Variants in PMPCB observed in about 807,000 individuals in gnomAD.
PMPCB encodes the protein mitochondrial-processing peptidase subunit beta.
In PMPCB, 46 loss-of-function variants were observed where a neutral mutation model predicts 61.5. The observed-to-expected ratio is 0.75, with a 90% CI of 0.59 to 0.96. The LOEUF (loss-of-function observed/expected upper bound fraction) is 0.96. Ranked by LOEUF, PMPCB falls within the 40% of genes least tolerant of loss-of-function variation. PMPCB has a pLI of 0.00. For synonymous variants in PMPCB, 191 were observed against 201.6 expected (o/e 0.95, Z 0.44); for missense variants, 590 against 602.4 (o/e 0.98, Z 0.22).
At chr7:103,338,132 T>G in the PMPCB span, among the ~76,000 whole-genome samples, 1 of 152,040 alleles carries the variant, frequency 6.6e-6, no homozygotes, top group African/African-American at 2.4e-5. Context: ...TAGCTGGGTG[T>G]GGTGGTGTGC....
At chr7:103,346,860 G>A in the PMPCB span, among the ~76,000 whole-genome samples, 2 of 152,002 alleles carry the variant, frequency 1.3e-5, no homozygotes, top group African/African-American at 2.4e-5. Flanking sequence ...GTGTGAGCGC[G>A]CATGCGTGTA....
At chr7:103,329,196 A>G in exon 13 of PMPCB, 1 of 298,334 alleles carries the variant, frequency 3.4e-6, no homozygotes, top group South Asian at 2.9e-5. Flanking sequence ...TAACATCTAC[A>G]TAGCAGTTGA....
At chr7:103,311,973 T>C in intron 11 of PMPCB, 77 bp downstream of exon 11, 1 of 1,528,670 alleles carries the variant, frequency 6.5e-7, no homozygotes, top group Non-Finnish European at 9.0e-7. Context: ...GTATCTTTCA[T>C]CTTGCTTTAG....
chr7:103,307,221 A>G (rs1209121916), intron 6 of PMPCB, among the ~76,000 whole-genome samples: 1 of 152,194 alleles, frequency 6.6e-6, no homozygotes, highest in Non-Finnish European at 1.5e-5. Flanking sequence ...GATAGAGCCC[A>G]TATTTGTATT....
At chr7:103,302,147 T>G (rs1225261851) in intron 4 of PMPCB, among the ~76,000 whole-genome samples, 1 of 152,232 alleles carries the variant, frequency 6.6e-6, no homozygotes, top group Non-Finnish European at 1.5e-5. Flanking sequence ...TTTTTATGGA[T>G]GCATAGTATT....
At chr7:103,321,027 G>A (rs1036276038) in intron 12 of PMPCB, among the ~76,000 whole-genome samples, 5 of 151,556 alleles carry the variant, frequency 3.3e-5, no homozygotes, top group Admixed American at 2.0e-4. Context: ...GTGAAACCCC[G>A]TCTCTACTAA....
chr7:103,310,449 C>T lies in PMPCB; in HGVS notation c.1128C>T (p.Asp376=), dbSNP rs1394524226. Residue 376 remains aspartate (D), a synonymous_variant, in exon 9 of 13, where the codon GAC becomes GAT. Transcript: ENST00000249269. ...YMVCESSTVA[D]MLHVVQKEWM... is the part of the protein sequence containing the mutation. ...TTTGTGAATCATCCACTGTTGCAGACATGCTACATGTTGTTCAAAAAGAAT... is the reference window on the plus strand; with the variant it reads ...TTTGTGAATCATCCACTGTTGCAGATATGCTACATGTTGTTCAAAAAGAAT... The T allele has an allele frequency of 1.2e-6, 2 of 1,610,060 alleles. No homozygotes were observed. Among genetic ancestry groups the T allele is most frequent in the Non-Finnish European group, 1.7e-6 (2 of 1,178,582 alleles).
In PMPCB at chr7:103,313,259, G is replaced by A. The variant is rs557088518; in HGVS notation, c.*988G>A. 1.8e-5 allele frequency: 24 copies of A among 1,347,688 alleles called. No individual in the cohort carries two copies. In the African/African-American group the frequency reaches 3.0e-4, roughly 17 times the overall value. 83.5% of individuals were successfully genotyped at this position (1,347,688 alleles called of 1,614,324 possible). ...GAGAGATACATATAGCCCTCTGAGTGTTAATAAGAGAAAAAATTTCAGATA... is the reference window on the plus strand; with the variant it reads ...GAGAGATACATATAGCCCTCTGAGTATTAATAAGAGAAAAAATTTCAGATA... On this transcript the variant is annotated 3_prime_UTR_variant, in exon 13 of 13. Coordinates refer to ENST00000249269, the MANE Select transcript of PMPCB (RefSeq NM_004279.3).
At chr7:103,320,441 G>GT (rs1554566542) in intron 12 of PMPCB, among the ~76,000 whole-genome samples, 1 of 151,876 alleles carries the variant, frequency 6.6e-6, no homozygotes, top group African/African-American at 2.4e-5. Context: ...AACCCTGATA[G>GT]TTTTTTTCTA....
intron 9 of PMPCB, 199 bp downstream of exon 9, chr7:103,310,674 ATTTTTT>A (rs377252653): frequency 5.7e-5 from 9 of 158,576 alleles, no homozygotes; most frequent in Non-Finnish European, 8.7e-5. Flanking sequence ...ATACTATAGA[ATTTTTT>A]TTTTTTTTTT....
chr7:103,329,224 T>G (rs1201456388), exon 13 of PMPCB: 1 of 240,476 alleles, frequency 4.2e-6, no homozygotes, highest in African/African-American at 2.3e-5. Context: ...CAGGCCTGTT[T>G]ACCAGTTAAT....
chr7:103,316,247 T>G (rs1818047940), downstream of PMPCB: 3 of 451,518 alleles, frequency 6.6e-6, no homozygotes, highest in East Asian at 1.0e-4. Context: ...TCCTGTTGCC[T>G]GGACTACGGT....
intron 12 of PMPCB, chr7:103,319,733 C>T (rs2115836767): frequency 6.2e-7 from 1 of 1,614,088 alleles, no homozygotes; most frequent in Non-Finnish European, 8.5e-7. Flanking sequence ...GTGAAGACTT[C>T]AATAGCAGTT....
rs146249734 is a variant in PMPCB at position 103,298,322 on chromosome 7, A to G, written c.100-246A>G. ...AATAAAGTCAATTTCTCTCTGGGTA[A>G]TGATAATAATTGCTCATCTTCCCTG... is the stretch of plus-strand genomic sequence containing the variant. On this transcript the variant is annotated intron_variant, in intron 1 of 12. Transcript: ENST00000249269. Among the ~76,000 whole-genome samples, 786 of 152,090 alleles carry G rather than the reference A, an allele frequency of 5.2e-3. 4 individuals are homozygous for G. The highest frequency in any genetic ancestry group is 0.018 in the African/African-American group (742 of 41,480).
chr7:103,307,816 T>C (rs181013515), intron 7 of PMPCB, 108 bp downstream of exon 7: 98 of 670,684 alleles, frequency 1.5e-4, no homozygotes, highest in Non-Finnish European at 2.1e-4. Context: ...AATGGAATAA[T>C]AGGAAAAGGG....
downstream of PMPCB, among the ~76,000 whole-genome samples, chr7:103,333,825 T>C (rs1819063357): frequency 6.6e-6 from 1 of 152,246 alleles, no homozygotes; most frequent in Admixed American, 6.5e-5. Flanking sequence ...CAATTTGTTC[T>C]TTTAAAAATT....
chr7:103,332,066 G>A (rs1482668468), downstream of PMPCB, among the ~76,000 whole-genome samples: 4 of 150,490 alleles, frequency 2.7e-5, no homozygotes, highest in South Asian at 4.2e-4. Flanking sequence ...GTGCAGTGGT[G>A]CAGTCTTGGC....
At chr7:103,327,681 A>G (rs1818778795) in intron 12 of PMPCB, 1 of 1,611,700 alleles carries the variant, frequency 6.2e-7, no homozygotes, top group East Asian at 2.2e-5. Flanking sequence ...TGAAGTAGTC[A>G]TTATCTCCTT....
exon 13 of PMPCB, chr7:103,329,028 A>G: frequency 3.2e-6 from 4 of 1,261,844 alleles, no homozygotes; most frequent in Non-Finnish European, 4.1e-6. Context: ...TCCTTTTACC[A>G]CAGCCTCAGC....
Sources: gnomAD v4.1 joint callset for allele counts (sites outside exome capture counted in the v4.1 genomes callset) on GRCh38, gnomAD v4.1.1 for gene constraint, MANE v1.5 for transcripts, NCBI Gene and HGNC (gene_info 2026-07-23, HGNC 2026-07-21) for gene names.